CCDC171: variants seen among roughly 807,000 people sequenced by gnomAD.
CCDC171 encodes coiled-coil domain-containing protein 171.
A neutral mutation model predicts 168.2 loss-of-function variants in CCDC171; 177 were observed. The ratio of observed to expected loss-of-function variants is 1.05; its 90% CI spans 0.93 to 1.19. CCDC171 has a LOEUF of 1.19. Ranked by LOEUF, CCDC171 falls within the 50% of genes most tolerant of loss-of-function variation. CCDC171 has a pLI of 0.00. For synonymous variants in CCDC171, 687 were observed against 540.8 expected (o/e 1.27, Z -3.75); for missense variants, 1,991 against 1,539.0 (o/e 1.29, Z -4.91).
chr9:15,687,847 C>T (rs549235774), intron 10 of CCDC171, among the ~76,000 whole-genome samples: 3 of 152,212 alleles, frequency 2.0e-5, no homozygotes, highest in East Asian at 1.9e-4. Flanking sequence ...ATCCGTTGGG[C>T]GCAGTGGCTC....
chr9:15,921,076 A>G (rs1419401784), intron 25 of CCDC171, among the ~76,000 whole-genome samples: 1 of 151,772 alleles, frequency 6.6e-6, no homozygotes, highest in Non-Finnish European at 1.5e-5. Context: ...AAAGGCTGAT[A>G]TGTCAACAGT....
chr9:15,744,124 C>T, intron 16 of CCDC171, 149 bp from the exon 17 acceptor site: 2 of 645,494 alleles, frequency 3.1e-6, no homozygotes, highest in Non-Finnish European at 5.2e-6. Context: ...CCATGTCTAT[C>T]TTATTTATAT....
chr9:15,678,220 A>G (rs1243095387), intron 9 of CCDC171, among the ~76,000 whole-genome samples: 1 of 151,860 alleles, frequency 6.6e-6, no homozygotes, highest in Non-Finnish European at 1.5e-5. Context: ...CTATCTGAGC[A>G]AAATTTAAAT....
chr9:15,587,900 GAAGT>G (rs1242866450), intron 4 of CCDC171, among the ~76,000 whole-genome samples: 5 of 152,124 alleles, frequency 3.3e-5, no homozygotes, highest in African/African-American at 1.2e-4. Context: ...TTTCATCTAT[GAAGT>G]AAGAACCAGG....
intron 6 of CCDC171, among the ~76,000 whole-genome samples, chr9:15,600,004 C>T (rs1418407216): frequency 6.6e-6 from 1 of 151,852 alleles, no homozygotes; most frequent in African/African-American, 2.4e-5. Flanking sequence ...TCCGTCAGGT[C>T]CTTTAAGGAC....
chr9:15,822,620 C>G (rs1342022516), intron 21 of CCDC171, among the ~76,000 whole-genome samples: 1 of 152,150 alleles, frequency 6.6e-6, no homozygotes, highest in Non-Finnish European at 1.5e-5. Context: ...AAATGCAAAT[C>G]AAAACCACAG....
chr9:15,847,867 C>G (rs2060967828), intron 22 of CCDC171, among the ~76,000 whole-genome samples: 3 of 152,112 alleles, frequency 2.0e-5, no homozygotes, highest in African/African-American at 7.2e-5. Context: ...GACACAAGGC[C>G]AAAATGTTGG....
rs138441090 is a variant in CCDC171 at position 15,667,208 on chromosome 9, C to A, written c.1076+885C>A. Among the ~76,000 whole-genome samples, 79 of 152,198 alleles carry A rather than the reference C, an allele frequency of 5.2e-4. No individual in the cohort carries two copies. The East Asian group carries it at 0.015, about 28-fold the overall frequency. ...GTAGACATTTTAAACCATTTCCCCC[C>A]CCAGAGGGTGAAATTCATACTACCA... On this transcript the variant is annotated intron_variant, in intron 9 of 25. Transcript: ENST00000380701.
chr9:15,862,533 T>C (rs1240714211), intron 23 of CCDC171, among the ~76,000 whole-genome samples: 1 of 152,074 alleles, frequency 6.6e-6, no homozygotes, highest in Non-Finnish European at 1.5e-5. Context: ...TTCATTAGTA[T>C]TGGTTTCCAG....
At chr9:16,086,339 G>A in the CCDC171 span, among the ~76,000 whole-genome samples, 1 of 145,266 alleles carries the variant, frequency 6.9e-6, no homozygotes, top group South Asian at 2.2e-4. Flanking sequence ...ATGGGGTCTT[G>A]CTCTGTTGAT....
At chr9:15,974,111 A>G (rs933030721), downstream of CCDC171, 3 of 152,144 alleles carry the variant, frequency 2.0e-5, no homozygotes, top group African/African-American at 7.2e-5. Context: ...TTCGTAAATT[A>G]TGATTAAATC....
chr9:15,845,799 A>G (rs1055092425), intron 21 of CCDC171: 1 of 152,062 alleles, frequency 6.6e-6, no homozygotes, highest in African/African-American at 2.4e-5. Context: ...GAGTAAGAAG[A>G]TTTTTAGTGC....
chr9:15,641,630 G>A (rs1245505101), intron 7 of CCDC171, among the ~76,000 whole-genome samples: 1 of 152,084 alleles, frequency 6.6e-6, no homozygotes, highest in African/African-American at 2.4e-5. Flanking sequence ...GGGTTGGATA[G>A]GAGACATTCT....
At chr9:15,887,793 A>T (rs1432470273) in intron 24 of CCDC171, 2 of 152,124 alleles carry the variant, frequency 1.3e-5, no homozygotes, top group African/African-American at 2.4e-5. Flanking sequence ...AAAAAAACTC[A>T]AAAGACTTGC....
intron 16 of CCDC171, among the ~76,000 whole-genome samples, chr9:15,739,205 C>T (rs2054687285): frequency 6.6e-6 from 1 of 152,160 alleles, no homozygotes; most frequent in Admixed American, 6.5e-5. Context: ...GAAATGGGCT[C>T]TGAAGATTGT....
the CCDC171 span, among the ~76,000 whole-genome samples, chr9:16,100,742 G>A: frequency 1.3e-5 from 2 of 152,178 alleles, no homozygotes; most frequent in African/African-American, 4.8e-5. Context: ...CGCTCCCAAG[G>A]AAAACTCTTC....
chr9:15,767,345 C>G (rs2056777663), intron 18 of CCDC171, among the ~76,000 whole-genome samples: 1 of 152,194 alleles, frequency 6.6e-6, no homozygotes, highest in African/African-American at 2.4e-5. Flanking sequence ...TTTATTCCAT[C>G]TTCAAAGCCA....
At chr9:15,808,145 A>G (rs1433278015) in intron 21 of CCDC171, among the ~76,000 whole-genome samples, 1 of 152,096 alleles carries the variant, frequency 6.6e-6, no homozygotes, top group Non-Finnish European at 1.5e-5. Context: ...TGGCAAACTC[A>G]TATACTCTGA....
intron 7 of CCDC171, among the ~76,000 whole-genome samples, chr9:15,637,447 T>C (rs1299616001): frequency 6.6e-6 from 1 of 151,952 alleles, no homozygotes; most frequent in Non-Finnish European, 1.5e-5. Flanking sequence ...ATTTTTACTT[T>C]TTAAAATTTT....
Sources: gnomAD v4.1 joint callset for allele counts (sites outside exome capture counted in the v4.1 genomes callset) on GRCh38, gnomAD v4.1.1 for gene constraint, MANE v1.5 for transcripts, NCBI Gene and HGNC (gene_info 2026-07-23, HGNC 2026-07-21) for gene names.